The following TOGARAM2 variants were observed in gnomAD, a reference collection of about 807,000 sequenced individuals.
TOGARAM2 encodes TOG array regulator of axonemal microtubules protein 2.
Under a neutral mutation model 93.3 loss-of-function variants are expected in TOGARAM2, and 85 were observed. The ratio of observed to expected loss-of-function variants is 0.91; its 90% CI spans 0.76 to 1.09. The LOEUF is 1.09. Ranked by LOEUF, TOGARAM2 falls within the 50% of genes least tolerant of loss-of-function variation. The probability of loss-of-function intolerance (pLI) is 0.00; values close to 1 mark genes in which losing one functional copy is unlikely to be tolerated. For missense variants in TOGARAM2, 1,277 were observed against 1,334.5 expected (o/e 0.96, Z 0.67); for synonymous variants, 593 against 552.8 (o/e 1.07, Z -1.02).
chr2:29,016,779 G>T (rs549415201), intron 8 of TOGARAM2, among the ~76,000 whole-genome samples: 1 of 152,246 alleles, frequency 6.6e-6, no homozygotes, highest in African/African-American at 2.4e-5. Flanking sequence ...AGCACACCCG[G>T]CCTCAGAGCT....
intron 19 of TOGARAM2, chr2:29,045,862 C>T (rs1666712925): frequency 4.0e-6 from 1 of 249,530 alleles, no homozygotes; most frequent in South Asian, 4.5e-5. Context: ...ATAAGGGACA[C>T]TCAACCTGTG....
intron 1 of TOGARAM2, among the ~76,000 whole-genome samples, chr2:28,993,459 T>C (rs765894783): frequency 9.9e-5 from 15 of 152,120 alleles, no homozygotes; most frequent in Non-Finnish European, 1.8e-4. Context: ...GGGGTGAAGT[T>C]TGGGGTGTTG....
chr2:29,003,156 G>A (rs1315729180), intron 5 of TOGARAM2, among the ~76,000 whole-genome samples: 1 of 152,158 alleles, frequency 6.6e-6, no homozygotes, highest in Non-Finnish European at 1.5e-5. Flanking sequence ...CCCCTCACTG[G>A]CTGTGTGACC....
chr2:29,017,696 C>A, intron 9 of TOGARAM2, 96 bp from the exon 10 acceptor site: 1 of 1,254,840 alleles, frequency 8.0e-7, no homozygotes, highest in Non-Finnish European at 1.1e-6. Flanking sequence ...CTGGCATGAG[C>A]TACTTTGGCC....
At chr2:29,031,792 A>G (rs1455370047) in intron 14 of TOGARAM2, among the ~76,000 whole-genome samples, 1 of 152,236 alleles carries the variant, frequency 6.6e-6, no homozygotes, top group African/African-American at 2.4e-5. Flanking sequence ...GTGTCATTGG[A>G]GGCTATGGAA....
intron 14 of TOGARAM2, among the ~76,000 whole-genome samples, chr2:29,032,400 A>C (rs891901005): frequency 6.6e-6 from 1 of 152,242 alleles, no homozygotes; most frequent in East Asian, 1.9e-4. Flanking sequence ...CGCAAGGGTC[A>C]CCTCTTCTAT....
chr2:28,975,641 C>T (rs1176596678), intron 1 of TOGARAM2, among the ~76,000 whole-genome samples: 2 of 152,198 alleles, frequency 1.3e-5, no homozygotes, highest in Non-Finnish European at 1.5e-5. Context: ...TGCCTCTTCT[C>T]ATTCAAGTTA....
chr2:29,030,976 A>G (rs991602839), intron 14 of TOGARAM2, among the ~76,000 whole-genome samples: 3 of 152,216 alleles, frequency 2.0e-5, no homozygotes, highest in African/African-American at 4.8e-5. Context: ...TCTATCATTA[A>G]AAGTGACTGT....
At chr2:28,961,505 C>G (rs1185716750) in intron 1 of TOGARAM2, among the ~76,000 whole-genome samples, 3 of 151,960 alleles carry the variant, frequency 2.0e-5, no homozygotes, top group African/African-American at 7.2e-5. Flanking sequence ...CCATGCCCGG[C>G]TAATTTTTGT....
rs542311063 is a variant in TOGARAM2, at chr2:29,022,438, T to C, written c.1511+130T>C. 72 of 1,273,340 alleles carry C rather than the reference T, an allele frequency of 5.7e-5. 2 individuals carry two copies. The South Asian group carries it at 1.0e-3, about 18-fold the overall frequency. The allele number at this position is 1,273,340 out of a possible 1,614,324, so 78.9% of individuals were successfully genotyped here. ...AGCACCATGGAGCATAAAAGCCAGT[T>C]TGGAGGGAGGACTGTGCATGCATAT... is the stretch of plus-strand genomic sequence containing the variant. On this transcript the variant is annotated intron_variant, in intron 11 of 19. Coordinates refer to ENST00000379558, the MANE Select transcript of TOGARAM2 (RefSeq NM_199280.4).
chr2:28,980,610 C>T (rs1672143220), upstream of TOGARAM2, among the ~76,000 whole-genome samples: 2 of 152,154 alleles, frequency 1.3e-5, no homozygotes, highest in Non-Finnish European at 2.9e-5. Context: ...GGATGCCAGC[C>T]TGGGATTTCC....
chr2:28,968,815 C>CAAA (rs58495032), intron 1 of TOGARAM2, among the ~76,000 whole-genome samples: 2 of 41,944 alleles, frequency 4.8e-5, no homozygotes, highest in African/African-American at 8.3e-5. Flanking sequence ...GAGACTCTGT[C>CAAA]AAAAAAAAAA....
At chr2:28,984,079 A>G (rs1443092675) in intron 1 of TOGARAM2, among the ~76,000 whole-genome samples, 1 of 151,346 alleles carries the variant, frequency 6.6e-6, no homozygotes, top group Non-Finnish European at 1.5e-5. Flanking sequence ...TTGGAGAACC[A>G]ATCACTATTC....
chr2:29,001,520 A>G (rs1293559785), intron 4 of TOGARAM2, among the ~76,000 whole-genome samples: 1 of 144,764 alleles, frequency 6.9e-6, no homozygotes, highest in African/African-American at 2.6e-5. Context: ...TTTTTTTTTG[A>G]GACCGAGTCT....
chr2:29,017,247 A>T lies in TOGARAM2; in HGVS notation c.1138A>T (p.Thr380Ser), dbSNP rs1325510429. ...GCTTCGGAGGCTGGAGGAGCCCAGG[A>T]CAGGGCAGGAGCTCACTTCCCAGTG... ...ELLRRLEEPR[T>S]GQELTSQCLG... The change falls in exon 9 of 20, where the codon ACA becomes TCA. Residue 380 changes from threonine to serine, a missense_variant. By Grantham distance (58) the Thr-to-Ser change is moderately conservative (BLOSUM62 1). Transcript: ENST00000379558. 1.2e-6 allele frequency: 2 copies of T among 1,613,948 alleles called. No individual in the cohort carries two copies. Among genetic ancestry groups the T allele is most frequent in the South Asian group, 2.2e-5 (2 of 91,086 alleles).
intron 1 of TOGARAM2, among the ~76,000 whole-genome samples, chr2:28,963,449 A>G (rs748613772): frequency 2.0e-4 from 31 of 152,092 alleles, no homozygotes; most frequent in Non-Finnish European, 4.4e-4. Flanking sequence ...GTCAGAGTTC[A>G]CTGCAGCCTC....
intron 1 of TOGARAM2, among the ~76,000 whole-genome samples, chr2:28,983,960 C>T (rs1037913651): frequency 1.3e-5 from 2 of 152,112 alleles, no homozygotes; most frequent in African/African-American, 4.8e-5. Context: ...TTGGGTGCCT[C>T]CCTTCCTCTG....
At chr2:29,024,061 T>A in intron 12 of TOGARAM2, 78 bp from the exon 13 acceptor site, 5 of 1,244,224 alleles carry the variant, frequency 4.0e-6, no homozygotes, top group Non-Finnish European at 5.7e-6. Flanking sequence ...AAGAGGGTGG[T>A]GCAGGGCCCA....
intron 19 of TOGARAM2, chr2:29,050,028 G>A (rs1198678837): frequency 6.6e-6 from 1 of 152,148 alleles, no homozygotes; most frequent in Non-Finnish European, 1.5e-5. Context: ...GGGATTAGAT[G>A]ATGTGGTCCT....
Sources: gnomAD v4.1 joint callset for allele counts (sites outside exome capture counted in the v4.1 genomes callset) on GRCh38, gnomAD v4.1.1 for gene constraint, MANE v1.5 for transcripts, NCBI Gene and HGNC (gene_info 2026-07-23, HGNC 2026-07-21) for gene names.